ASCC3: variants seen among roughly 807,000 people sequenced by gnomAD.
The protein encoded by ASCC3 is ASC-1 complex subunit P200.
ASCC3 carries 158 observed loss-of-function variants against 256.3 expected under a neutral mutation model. The observed-to-expected ratio is 0.62, with a 90% CI of 0.54 to 0.70. ASCC3 has a LOEUF of 0.70. Among genes scored for constraint, ASCC3 ranks in the 30% least tolerant of loss-of-function variants. The pLI is 0.00. For missense variants in ASCC3, 2,259 were observed against 2,626.0 expected, an observed-to-expected ratio of 0.86 and a Z score of 3.05; for synonymous variants, 948 against 883.4, an observed-to-expected ratio of 1.07 and a Z score of -1.30.
At chr6:100,774,194 G>A (rs947015321) in intron 8 of ASCC3, among the ~76,000 whole-genome samples, 1 of 152,282 alleles carries the variant, frequency 6.6e-6, no homozygotes, top group Non-Finnish European at 1.5e-5. Flanking sequence ...GTCTTGCTCT[G>A]TTGCCCAGGC....
chr6:100,861,507 T>G (rs1046742593), intron 3 of ASCC3, among the ~76,000 whole-genome samples: 1 of 152,182 alleles, frequency 6.6e-6, no homozygotes, highest in Non-Finnish European at 1.5e-5. Flanking sequence ...CACATGAGAC[T>G]AATCCTTTCA....
chr6:100,634,634 C>T (rs1371085853), intron 25 of ASCC3, among the ~76,000 whole-genome samples: 4 of 151,804 alleles, frequency 2.6e-5, no homozygotes, highest in Non-Finnish European at 5.9e-5. Context: ...CCATTGGATA[C>T]ATGAAAAGGT....
chr6:100,851,079 T>C (rs902973594), intron 3 of ASCC3, among the ~76,000 whole-genome samples: 1 of 152,136 alleles, frequency 6.6e-6, no homozygotes, highest in Non-Finnish European at 1.5e-5. Context: ...TCTCACTTTG[T>C]CCTAACAAAA....
intron 3 of ASCC3, chr6:100,857,770 G>A (rs1259414611): frequency 4.6e-5 from 7 of 151,806 alleles, no homozygotes; most frequent in African/African-American, 1.7e-4. Flanking sequence ...ATCTACTAGA[G>A]TAAGTTCTCC....
At chr6:100,710,818 A>T (rs1778820477) in intron 13 of ASCC3, among the ~76,000 whole-genome samples, 1 of 152,168 alleles carries the variant, frequency 6.6e-6, no homozygotes, top group South Asian at 2.1e-4. Context: ...AAAATGTAAC[A>T]TCATCTTAAT....
intron 30 of ASCC3, among the ~76,000 whole-genome samples, chr6:100,616,914 C>T (rs929305412): frequency 1.3e-5 from 2 of 152,126 alleles, no homozygotes; most frequent in Admixed American, 6.6e-5. Context: ...GAAGTCTAAT[C>T]TTCAGCCAGC....
chr6:100,796,898 G>A (rs1309382089), intron 8 of ASCC3, among the ~76,000 whole-genome samples: 1 of 152,076 alleles, frequency 6.6e-6, no homozygotes, highest in East Asian at 1.9e-4. Context: ...TCTACATCAC[G>A]TGTGGTAGGC....
Position 100,642,319 on chromosome 6 carries a change from T to G in ASCC3, c.3901+262A>C, listed in dbSNP as rs77533752. Among the ~76,000 whole-genome samples, 1,093 of 152,066 alleles carry G rather than the reference T, an allele frequency of 7.2e-3. 8 individuals are homozygous for G. The highest frequency in any genetic ancestry group is 0.011 in the Non-Finnish European group (753 of 67,998). On this transcript the variant is annotated intron_variant, in intron 24 of 41. Transcript: ENST00000369162. The stretch of plus-strand genomic sequence containing the variant: ...AGAAACACAAAAGATGGGGGGAAAT[T>G]CCCCATAACTCACTGGTATGTTAGT...
chr6:100,672,967 CAT>C (rs1176922291), intron 14 of ASCC3, among the ~76,000 whole-genome samples: 2 of 152,034 alleles, frequency 1.3e-5, no homozygotes, highest in Non-Finnish European at 2.9e-5. Flanking sequence ...GTTTAAGGCT[CAT>C]GTGTATATAA....
At chr6:100,696,955 C>A (rs1778114251) in intron 13 of ASCC3, among the ~76,000 whole-genome samples, 1 of 151,978 alleles carries the variant, frequency 6.6e-6, no homozygotes, top group African/African-American at 2.4e-5. Flanking sequence ...TGAAATCACA[C>A]AAATAAATTG....
intron 30 of ASCC3, among the ~76,000 whole-genome samples, chr6:100,618,531 C>A (rs1464930401): frequency 3.3e-5 from 5 of 152,124 alleles, no homozygotes; most frequent in African/African-American, 4.8e-5. Flanking sequence ...GTGTTTTATG[C>A]AATAGGTTAT....
chr6:100,600,739 A>C (rs1582532811), intron 34 of ASCC3, among the ~76,000 whole-genome samples: 1 of 152,098 alleles, frequency 6.6e-6, no homozygotes, highest in East Asian at 1.9e-4. Flanking sequence ...TCTGTATCTA[A>C]GGTCCTCATC....
chr6:100,638,455 T>C, intron 25 of ASCC3, 146 bp downstream of exon 25: 1 of 650,000 alleles, frequency 1.5e-6, no homozygotes, highest in Non-Finnish European at 2.6e-6. Context: ...CTTCACGGTA[T>C]ATCTGTACTG....
intron 12 of ASCC3, 88 bp downstream of exon 12, chr6:100,717,987 T>G: frequency 7.7e-7 from 1 of 1,292,024 alleles, no homozygotes; most frequent in African/African-American, 1.5e-5. Context: ...AAGGCTGAAA[T>G]GGTCTTTTGG....
rs558257781 is a variant in ASCC3, at chr6:100,797,676, AC to A, written c.1395+1036del. Among the ~76,000 whole-genome samples, 40 of 151,892 alleles carry A rather than the reference AC, an allele frequency of 2.6e-4. 1 individual carries two copies. Among genetic ancestry groups the A allele is most frequent in the Admixed American group, 7.9e-4 (12 of 15,266 alleles). On this transcript the variant is annotated intron_variant, in intron 8 of 41. Transcript: ENST00000369162. ...AAAAAATCATTCCCAAAATATTGAT[AC>A]GTGGACCTCTTCGAAGAGATTAGGA... is the stretch of plus-strand genomic sequence containing the variant.
chr6:100,840,082 G>T (rs1772064010), intron 4 of ASCC3, among the ~76,000 whole-genome samples: 1 of 152,084 alleles, frequency 6.6e-6, no homozygotes, highest in Non-Finnish European at 1.5e-5. Flanking sequence ...AAATAGTAAT[G>T]AATAACCTAA....
Position 100,850,540 on chromosome 6 carries a change from ACACCAGATT to A in ASCC3, c.242-1842_242-1834del, listed in dbSNP as rs560070972. 1.3e-4 allele frequency among the ~76,000 whole-genome samples: 20 copies of A among 152,290 alleles called. No homozygotes were observed. In the East Asian group the frequency reaches 3.7e-3, roughly 28 times the overall value. ...TTTAAACTAGACCCAGGCCTCACTGACACCAGATTAGTATTTTTATACTACATCAAACTG... is the reference window on the plus strand; with the variant it reads ...TTTAAACTAGACCCAGGCCTCACTGAAGTATTTTTATACTACATCAAACTG... On this transcript the variant is annotated intron_variant, in intron 3 of 41. Transcript: ENST00000369162.
chr6:100,712,372 G>A (rs184539413), intron 13 of ASCC3, among the ~76,000 whole-genome samples: 3 of 152,146 alleles, frequency 2.0e-5, no homozygotes, highest in Admixed American at 1.3e-4. Flanking sequence ...ATATATACCC[G>A]ATAAAGGACT....
chr6:100,859,457 T>C (rs1349150370), intron 3 of ASCC3, among the ~76,000 whole-genome samples: 1 of 152,090 alleles, frequency 6.6e-6, no homozygotes, highest in East Asian at 1.9e-4. Flanking sequence ...CAAATACTGC[T>C]ATATCCCTTT....
Sources: allele counts gnomAD v4.1 joint callset (sites outside exome capture counted in the v4.1 genomes callset), GRCh38; gene constraint gnomAD v4.1.1; transcripts MANE v1.5; gene names NCBI Gene and HGNC (gene_info 2026-07-23, HGNC 2026-07-21).